Variants in IQCK observed in about 807,000 individuals in gnomAD.
The protein encoded by IQCK is IQ motif containing K.
IQCK carries 29 observed loss-of-function variants against 28.1 expected under a neutral mutation model. The observed-to-expected ratio is 1.03, with a 90% CI of 0.77 to 1.41. IQCK has a LOEUF of 1.41. Among genes scored for constraint, IQCK ranks in the 40% most tolerant of loss-of-function variants. The probability of loss-of-function intolerance (pLI) is 0.00; values close to 1 mark genes in which losing one functional copy is unlikely to be tolerated. For synonymous variants in IQCK, 113 were observed against 115.1 expected, an observed-to-expected ratio of 0.98 and a Z score of 0.12; for missense variants, 359 against 314.7, an observed-to-expected ratio of 1.14 and a Z score of -1.07.
chr16:19,773,793 A>G (rs1446620951), intron 6 of IQCK, among the ~76,000 whole-genome samples: 1 of 152,244 alleles, frequency 6.6e-6, no homozygotes, highest in Non-Finnish European at 1.5e-5. Flanking sequence ...TGTAAAAGCA[A>G]AAAAACCAAC....
rs141882798 is a variant in IQCK at position 19,853,454 on chromosome 16, T to G, written c.803-3033T>G. Among the ~76,000 whole-genome samples the G allele has an allele frequency of 9.8e-3, 1,498 of 152,294 alleles. 11 individuals are homozygous for G. Among genetic ancestry groups the G allele is most frequent in the Non-Finnish European group, 0.016 (1,061 of 68,020 alleles). Reference sequence around the variant, plus strand: ...ACGTAGGGAGTAGGCAACAAGGTTGTCAAGGTATGGACAGGAATTGGGTAA... The same window carrying G: ...ACGTAGGGAGTAGGCAACAAGGTTGGCAAGGTATGGACAGGAATTGGGTAA... On this transcript the variant is annotated intron_variant, in intron 9 of 9. Coordinates refer to the IQCK transcript ENST00000320394.
chr16:19,830,034 T>C (rs1396447292), downstream of IQCK, among the ~76,000 whole-genome samples: 1 of 152,022 alleles, frequency 6.6e-6, no homozygotes, highest in Non-Finnish European at 1.5e-5. Flanking sequence ...AATGAATGAA[T>C]GAATGAATGA....
rs116229678 is a variant in IQCK at position 19,768,216 on chromosome 16, G to A, written c.605+4104G>A. ...ACTAGGATGTAGGTACTAAAGCTGG[G>A]AGCCCACAGCTGGGAAGTTGACCAT... On this transcript the variant is annotated intron_variant, in intron 6 of 7. Coordinates refer to ENST00000564186, the Ensembl canonical transcript of IQCK. Among the ~76,000 whole-genome samples the A allele has an allele frequency of 3.6e-3, 553 of 152,210 alleles. 4 individuals carry two copies. The highest frequency in any genetic ancestry group is 0.013 in the African/African-American group (523 of 41,546).
intron 7 of IQCK, among the ~76,000 whole-genome samples, chr16:19,818,358 G>A (rs540166746): frequency 6.6e-6 from 1 of 152,294 alleles, no homozygotes; most frequent in East Asian, 1.9e-4. Context: ...GTGTGTGTGT[G>A]TGTGTGTGTA....
At chr16:19,810,633 C>A (rs151166135) in intron 7 of IQCK, among the ~76,000 whole-genome samples, 71 of 151,764 alleles carry the variant, frequency 4.7e-4, no homozygotes, top group African/African-American at 1.6e-3. Flanking sequence ...GCCAACATGG[C>A]GAAACCCTCT....
chr16:19,849,822 G>T (rs1203227488), intron 9 of IQCK, among the ~76,000 whole-genome samples: 2 of 151,984 alleles, frequency 1.3e-5, no homozygotes, highest in African/African-American at 4.8e-5. Context: ...GGAAGGCAGG[G>T]ATGATTAAAT....
At chr16:19,852,388 G>A (rs1032443429) in intron 9 of IQCK, among the ~76,000 whole-genome samples, 8 of 151,550 alleles carry the variant, frequency 5.3e-5, no homozygotes, top group South Asian at 2.1e-4. Flanking sequence ...GCAACAAAGC[G>A]AGACCTCTCT....
intron 4 of IQCK, among the ~76,000 whole-genome samples, chr16:19,751,591 GAGAA>G (rs1425712186): frequency 1.3e-5 from 2 of 152,188 alleles, no homozygotes; most frequent in African/African-American, 2.4e-5. Context: ...TAGGCAATGA[GAGAA>G]AGAATAAATT....
At chr16:19,826,224 T>A (rs1276040122) in intron 7 of IQCK, among the ~76,000 whole-genome samples, 1 of 152,028 alleles carries the variant, frequency 6.6e-6, no homozygotes, top group Non-Finnish European at 1.5e-5. Flanking sequence ...CCCAGGCTGG[T>A]CTTGAACACC....
At chr16:19,820,284 A>C (rs1225917934) in intron 7 of IQCK, among the ~76,000 whole-genome samples, 1 of 152,240 alleles carries the variant, frequency 6.6e-6, no homozygotes, top group Non-Finnish European at 1.5e-5. Context: ...TGGGAGATCA[A>C]GGTGGGTGGA....
chr16:19,817,328 AT>A (rs1256473348), intron 7 of IQCK, among the ~76,000 whole-genome samples: 1 of 152,200 alleles, frequency 6.6e-6, no homozygotes, highest in Non-Finnish European at 1.5e-5. Context: ...ATTGAAATTG[AT>A]TCCCTAATCA....
intron 9 of IQCK, among the ~76,000 whole-genome samples, chr16:19,849,984 G>A (rs1043006994): frequency 2.8e-4 from 43 of 152,088 alleles, no homozygotes; most frequent in African/African-American, 1.0e-3. Flanking sequence ...GAAATGTGCT[G>A]CACCGTATTT....
intron 7 of IQCK, among the ~76,000 whole-genome samples, chr16:19,826,387 T>C (rs972120964): frequency 6.6e-6 from 1 of 151,666 alleles, no homozygotes; most frequent in Non-Finnish European, 1.5e-5. Context: ...TATTCTTGTT[T>C]GTTTGTTTGA....
chr16:19,764,855 A>G (rs75839394), intron 6 of IQCK, among the ~76,000 whole-genome samples: 1 of 145,512 alleles, frequency 6.9e-6, no homozygotes, highest in Non-Finnish European at 1.5e-5. Context: ...ACACCTGGCT[A>G]ATTTTTTTTT....
downstream of IQCK, among the ~76,000 whole-genome samples, chr16:19,830,857 G>T (rs1292634): frequency 3.9e-4 from 60 of 152,294 alleles, no homozygotes; most frequent in East Asian, 8.9e-3. Context: ...ATGATCTTTA[G>T]AACAAGTCCT....
At chr16:19,809,053 C>T (rs996316507) in intron 7 of IQCK, among the ~76,000 whole-genome samples, 1 of 152,134 alleles carries the variant, frequency 6.6e-6, no homozygotes, top group African/African-American at 2.4e-5. Context: ...GACGGGGTTT[C>T]ACCATGTTGG....
intron 9 of IQCK, among the ~76,000 whole-genome samples, chr16:19,832,696 C>T (rs2056247442): frequency 6.6e-6 from 1 of 152,142 alleles, no homozygotes; most frequent in African/African-American, 2.4e-5. Flanking sequence ...ATAAAGAATA[C>T]CTGAGACTGG....
chr16:19,784,238 A>ATTG (rs2055532907), intron 6 of IQCK, among the ~76,000 whole-genome samples: 1 of 151,694 alleles, frequency 6.6e-6, no homozygotes, highest in Non-Finnish European at 1.5e-5. Context: ...GAAGCAAATG[A>ATTG]TTGTGTTTTC....
intron 6 of IQCK, 27 bp from the exon 7 acceptor site, chr16:19,788,811 G>A (rs6497404): frequency 0.23 from 41 of 176 alleles, 9 homozygotes; most frequent in South Asian, 1. Context: ...ATTCTCATGG[G>A]CATATAACCA....
Sources: gnomAD v4.1 joint callset for allele counts (sites outside exome capture counted in the v4.1 genomes callset) on GRCh38, gnomAD v4.1.1 for gene constraint, MANE v1.5 for transcripts, NCBI Gene and HGNC (gene_info 2026-07-23, HGNC 2026-07-21) for gene names.